Variants in LRRC8C observed in about 807,000 individuals in gnomAD.
LRRC8C encodes the protein leucine rich repeat containing 8 VRAC subunit C, also known as volume-regulated anion channel subunit LRRC8C.
In LRRC8C, 20 loss-of-function variants were observed where a neutral mutation model predicts 55.3. The ratio of observed to expected loss-of-function variants is 0.36; its 90% CI spans 0.25 to 0.53. LRRC8C has a LOEUF of 0.53. LRRC8C is among the 20% of genes least tolerant of loss of function. The pLI is 0.92. For missense variants in LRRC8C, 659 were observed against 951.4 expected (o/e 0.69, Z 4.04); for synonymous variants, 376 against 360.7 (o/e 1.04, Z -0.48).
chr1:89,703,809 G>T (rs1024362350), intron 2 of LRRC8C, among the ~76,000 whole-genome samples: 1 of 151,970 alleles, frequency 6.6e-6, no homozygotes, highest in Non-Finnish European at 1.5e-5. Context: ...GCAGGAAGGA[G>T]AAGGGAAAAG....
intron 1 of LRRC8C, among the ~76,000 whole-genome samples, chr1:89,674,058 A>T (rs528577299): frequency 1.8e-4 from 28 of 152,322 alleles, no homozygotes; most frequent in Non-Finnish European, 3.2e-4. Context: ...ACTTTTCAGG[A>T]TCTACATAGA....
intron 2 of LRRC8C, among the ~76,000 whole-genome samples, chr1:89,705,224 G>C (rs1449646942): frequency 7.3e-6 from 1 of 137,410 alleles, no homozygotes; most frequent in Non-Finnish European, 1.5e-5. Flanking sequence ...ATTGAACAGT[G>C]AGAACACATG....
At chr1:89,618,834 A>G in the LRRC8C span, among the ~76,000 whole-genome samples, 1 of 152,220 alleles carries the variant, frequency 6.6e-6, no homozygotes, top group East Asian at 1.9e-4. Flanking sequence ...AAACTTCAGG[A>G]CCTGTGTCTT....
chr1:89,711,212 G>A (rs1658639342), intron 2 of LRRC8C, among the ~76,000 whole-genome samples: 1 of 152,128 alleles, frequency 6.6e-6, no homozygotes, highest in Admixed American at 6.6e-5. Flanking sequence ...ATACACTGGT[G>A]GTCTTCCATG....
chr1:89,671,080 T>A (rs181501665), intron 1 of LRRC8C, among the ~76,000 whole-genome samples: 13 of 152,116 alleles, frequency 8.5e-5, no homozygotes, highest in Admixed American at 7.2e-4. Context: ...TGAGATGGGG[T>A]CTGGCTCTGT....
intron 1 of LRRC8C, among the ~76,000 whole-genome samples, chr1:89,666,037 T>C (rs893056897): frequency 3.3e-4 from 50 of 152,200 alleles, no homozygotes; most frequent in African/African-American, 1.2e-3. Flanking sequence ...AAGTGCGTAG[T>C]AGGCTATACC....
chr1:89,707,688 TAAAGATTTGAG>T (rs1236504842), intron 2 of LRRC8C, among the ~76,000 whole-genome samples: 1 of 151,624 alleles, frequency 6.6e-6, no homozygotes, highest in African/African-American at 2.4e-5. Context: ...CAGATTTTAC[TAAAGATTTGAG>T]AAAGATTGAA....
intron 1 of LRRC8C, among the ~76,000 whole-genome samples, chr1:89,660,669 A>G (rs1570703320): frequency 6.6e-6 from 1 of 152,244 alleles, no homozygotes; most frequent in East Asian, 1.9e-4. Flanking sequence ...TCTGCATTTC[A>G]GTAAGTAATG....
In LRRC8C at chr1:89,713,272, A is replaced by C; in HGVS notation, c.702A>C (p.Glu234Asp). 6.2e-7 allele frequency: 1 copy of C among 1,614,234 alleles called. No individual in the cohort carries two copies. The highest frequency in any genetic ancestry group is 8.5e-7 in the Non-Finnish European group (1 of 1,180,032). Residue 234 changes from glutamate to aspartate, a missense_variant, in exon 3 of 3, where the codon GAA becomes GAC. By Grantham distance (45) the Glu-to-Asp change is conservative. This residue lies in a region of LRRC8C where 200 missense variants were observed against 360.5 expected (regional missense o/e 0.55). Coordinates refer to ENST00000370454, the MANE Select transcript of LRRC8C (RefSeq NM_032270.5). This position sits in a 1 kb window ranked among gnomAD's most constrained non-coding sequence, Gnocchi z 5.2. ...KSTAGALDKKEGEQAKALFEK... is the reference protein window; with the variant it reads ...KSTAGALDKKDGEQAKALFEK... ...CTGCAGGGGCTCTGGATAAAAAGGA[A>C]GGTGAGCAGGCTAAGGCCTTATTTG...
the LRRC8C span, chr1:89,626,884 G>A: frequency 6.6e-6 from 1 of 151,368 alleles, no homozygotes; most frequent in African/African-American, 2.4e-5. Flanking sequence ...TGGTAATTAA[G>A]TCAGTTTCCA....
chr1:89,634,920 T>C (rs976500738), intron 1 of LRRC8C, among the ~76,000 whole-genome samples: 2 of 152,222 alleles, frequency 1.3e-5, no homozygotes, highest in East Asian at 1.9e-4. Flanking sequence ...ATATTTGCCA[T>C]GGTTCACATA....
rs770971157 is a variant in LRRC8C at position 89,714,449 on chromosome 1, A to G, written c.1879A>G (p.Ile627Val). Reference protein sequence around the residue: ...LDLKENNLKSIEEIVSFQHLR... With the variant: ...LDLKENNLKSVEEIVSFQHLR... Reference sequence around the variant, plus strand: ...CCTGAAGGAAAACAATCTGAAATCTATAGAAGAAATCGTTAGCTTTCAGCA... The same window carrying G: ...CCTGAAGGAAAACAATCTGAAATCTGTAGAAGAAATCGTTAGCTTTCAGCA... Residue 627 changes from isoleucine to valine, a missense_variant, in exon 3 of 3, where the codon ATA becomes GTA. By Grantham distance (29) the Ile-to-Val change is conservative. Transcript: ENST00000370454. The surrounding 1 kb of genome is among the most constrained non-coding windows in gnomAD (Gnocchi z 4.6). 12 of 1,614,082 alleles carry G rather than the reference A, an allele frequency of 7.4e-6. No homozygotes were observed. The East Asian group carries it at 1.6e-4, about 21-fold the overall frequency.
chr1:89,667,534 G>A (rs1557654779), intron 1 of LRRC8C, among the ~76,000 whole-genome samples: 1 of 152,108 alleles, frequency 6.6e-6, no homozygotes, highest in African/African-American at 2.4e-5. Flanking sequence ...ACTAAAAAAG[G>A]AGTAAACCTA....
intron 1 of LRRC8C, among the ~76,000 whole-genome samples, chr1:89,642,489 C>T (rs1480221485): frequency 6.6e-6 from 1 of 151,796 alleles, no homozygotes; most frequent in Non-Finnish European, 1.5e-5. Context: ...CCTAGGTAAG[C>T]GGATCACCTG....
intron 1 of LRRC8C, among the ~76,000 whole-genome samples, chr1:89,644,694 G>A (rs1308083175): frequency 6.6e-6 from 1 of 152,102 alleles, no homozygotes; most frequent in Admixed American, 6.5e-5. Flanking sequence ...GAAATCCTAG[G>A]GGGAAAAAAG....
intron 1 of LRRC8C, among the ~76,000 whole-genome samples, chr1:89,653,156 T>C (rs75579148): frequency 6.6e-6 from 1 of 152,198 alleles, no homozygotes; most frequent in Non-Finnish European, 1.5e-5. Context: ...AGAGCAATCA[T>C]TAGCCAACCT....
At chr1:89,705,374 G>A (rs1658450602) in intron 2 of LRRC8C, among the ~76,000 whole-genome samples, 1 of 151,364 alleles carries the variant, frequency 6.6e-6, no homozygotes, top group South Asian at 2.1e-4. Flanking sequence ...GTATACATAT[G>A]TAACTAACCT....
rs115261571 is a variant in LRRC8C at position 89,650,538 on chromosome 1, G to A, written c.-5+17216G>A. ...ATTTCCCCAAGTAATCCATGGGTGG[G>A]CCAATTAAATAATTATTCAGTATTA... On this transcript the variant is annotated intron_variant, in intron 1 of 2. Coordinates refer to ENST00000370454, the MANE Select transcript of LRRC8C (RefSeq NM_032270.5). 1.8e-3 allele frequency among the ~76,000 whole-genome samples: 280 copies of A among 151,694 alleles called. 1 individual carries two copies. The highest frequency in any genetic ancestry group is 3.5e-3 in the Non-Finnish European group (238 of 67,944).
chr1:89,659,795 A>G (rs964899894), intron 1 of LRRC8C, among the ~76,000 whole-genome samples: 7 of 152,176 alleles, frequency 4.6e-5, no homozygotes, highest in African/African-American at 1.4e-4. Context: ...GTACATGTGG[A>G]CTAGCTCTGT....
Sources: allele counts gnomAD v4.1 joint callset (sites outside exome capture counted in the v4.1 genomes callset), GRCh38; gene constraint gnomAD v4.1.1; regional missense constraint gnomAD v4.1.1; non-coding constraint Gnocchi (gnomAD v3.1); transcripts MANE v1.5; gene names NCBI Gene and HGNC (gene_info 2026-07-23, HGNC 2026-07-21).